Variants in STAG2 observed in about 807,000 individuals in gnomAD.
STAG2 encodes the protein STAG2 cohesin complex component.
A neutral mutation model predicts 108.1 loss-of-function variants in STAG2; 14 were observed. The observed-to-expected ratio is 0.13, with a 90% CI of 0.09 to 0.20. The LOEUF is 0.20. Ranked by LOEUF, STAG2 falls within the 10% of genes least tolerant of loss-of-function variation. The pLI is 1.00. For missense variants in STAG2, 440 were observed against 940.9 expected (o/e 0.47, Z 6.96); for synonymous variants, 307 against 302.7 (o/e 1.01, Z -0.15).
intron 1 of STAG2, among the ~76,000 whole-genome samples, chrX:123,980,136 A>C (rs1197768110): frequency 1.8e-5 from 2 of 112,108 alleles, no homozygotes; most frequent in African/African-American, 6.5e-5. Flanking sequence ...TCTTGCATCC[A>C]AATGCAAGCT....
chrX:123,978,926 A>G (rs1338191120), intron 1 of STAG2, among the ~76,000 whole-genome samples: 2 of 111,787 alleles, frequency 1.8e-5, no homozygotes, highest in East Asian at 5.6e-4. Flanking sequence ...GTGCCAGATA[A>G]TAGGCTGAGG....
chrX:124,025,825 A>C lies in STAG2; in HGVS notation c.45-15A>C, dbSNP rs781722799. 1 of 1,123,512 alleles carries C rather than the reference A, an allele frequency of 8.9e-7. No individual in the cohort carries two copies. The highest frequency in any genetic ancestry group is 1.2e-6 in the Non-Finnish European group (1 of 836,004). The allele number at this position is 1,123,512 out of a possible 1,213,427, so 92.6% of individuals were successfully genotyped here. On this transcript the variant is annotated splice_polypyrimidine_tract_variant and intron_variant, in intron 3 of 34. Coordinates refer to ENST00000371145, the MANE Select transcript of STAG2 (RefSeq NM_001042750.2). The stretch of plus-strand genomic sequence containing the variant: ...TTTCTAAGGAAGGGTTTTAATTCTT[A>C]TCTTTCTGTCACAGGGAGTCAGAAA...
At chrX:124,066,680 T>C (rs1351337256) in intron 23 of STAG2, among the ~76,000 whole-genome samples, 4 of 112,011 alleles carry the variant, frequency 3.6e-5, no homozygotes, top group African/African-American at 1.3e-4. Context: ...TTCTGTATTC[T>C]CAAAGTTGGT....
At chrX:124,060,517 A>G (rs1175318202) in intron 15 of STAG2, among the ~76,000 whole-genome samples, 1 of 112,707 alleles carries the variant, frequency 8.9e-6, no homozygotes, top group African/African-American at 3.2e-5. Context: ...TTAATTAACC[A>G]TTATCACTCC....
intron 7 of STAG2, among the ~76,000 whole-genome samples, chrX:124,042,876 G>C (rs1195522889): frequency 9.3e-6 from 1 of 107,637 alleles, no homozygotes. Flanking sequence ...TTAGCCGGGA[G>C]TCGTGGTGTG....
At chrX:124,042,539 A>G (rs2148156949) in intron 6 of STAG2, 30 bp from the exon 7 acceptor site, 1 of 1,070,897 alleles carries the variant, frequency 9.3e-7, no homozygotes, top group South Asian at 1.9e-5. Context: ...ATCACACCAT[A>G]TATTAACTTC....
intron 1 of STAG2, among the ~76,000 whole-genome samples, chrX:123,975,308 C>T (rs962925681): frequency 1.8e-5 from 2 of 111,964 alleles, no homozygotes; most frequent in African/African-American, 6.5e-5. Flanking sequence ...CTGTTTCCAC[C>T]ACTCATTCAG....
At chrX:123,969,207 T>C (rs778308060) in intron 1 of STAG2, among the ~76,000 whole-genome samples, 1 of 111,899 alleles carries the variant, frequency 8.9e-6, no homozygotes, top group Admixed American at 9.5e-5. Flanking sequence ...CATATGCTTA[T>C]TAAAGTTTGT....
intron 6 of STAG2, among the ~76,000 whole-genome samples, chrX:124,039,504 TCTCCTAAA>T (rs1183256801): frequency 9.1e-6 from 1 of 109,896 alleles, no homozygotes; most frequent in African/African-American, 3.3e-5. Context: ...TGATCCTCAA[TCTCCTAAA>T]CTCAGGCAGT....
At chrX:123,991,144 T>C (rs959921233) in intron 1 of STAG2, among the ~76,000 whole-genome samples, 2 of 111,838 alleles carry the variant, frequency 1.8e-5, no homozygotes, top group Non-Finnish European at 3.8e-5. Context: ...AACATTTTAT[T>C]ATGAAAAACT....
chrX:124,069,041 A>G (rs1297056383), intron 24 of STAG2, among the ~76,000 whole-genome samples: 5 of 111,721 alleles, frequency 4.5e-5, no homozygotes. Context: ...AGAGTATCAG[A>G]TGTTGGCATT....
intron 33 of STAG2, among the ~76,000 whole-genome samples, chrX:124,094,969 C>G (rs1390998554): frequency 9.1e-6 from 1 of 110,403 alleles, no homozygotes; most frequent in Non-Finnish European, 1.9e-5. Context: ...GCTCTGTTGC[C>G]CAGACTTCAG....
chrX:123,962,357 C>T (rs2053909833), intron 1 of STAG2, among the ~76,000 whole-genome samples: 1 of 110,931 alleles, frequency 9.0e-6, no homozygotes, highest in African/African-American at 3.3e-5. Context: ...TTCCCCCCGT[C>T]GCGAGAATGT....
Position 124,031,136 on chromosome X carries a change from T to C in STAG2, c.288+11T>C. On this transcript the variant is annotated intron_variant, in intron 5 of 34. Coordinates refer to ENST00000371145, the MANE Select transcript of STAG2 (RefSeq NM_001042750.2). ...AAGAGTGCTATGCAGGTAAGATTTATGTTGTTCTTCCCAGTTCATTTGTAC... is the reference window on the plus strand; with the variant it reads ...AAGAGTGCTATGCAGGTAAGATTTACGTTGTTCTTCCCAGTTCATTTGTAC... 1 of 1,197,347 alleles carries C rather than the reference T, an allele frequency of 8.4e-7. No individual in the cohort carries two copies. Among genetic ancestry groups the C allele is most frequent in the South Asian group, 1.9e-5 (1 of 53,693 alleles).
At chrX:124,012,180 A>G (rs1602825557) in intron 1 of STAG2, among the ~76,000 whole-genome samples, 1 of 112,174 alleles carries the variant, frequency 8.9e-6, no homozygotes, top group African/African-American at 3.2e-5. Flanking sequence ...AAATGTTTTA[A>G]ATGATGAATT....
At chrX:124,080,779 A>G (rs936083294) in intron 27 of STAG2, among the ~76,000 whole-genome samples, 2 of 111,978 alleles carry the variant, frequency 1.8e-5, no homozygotes, top group Non-Finnish European at 1.9e-5. Flanking sequence ...AAGCAGGATG[A>G]TTAGCATATC....
In STAG2 at chrX:124,030,955, A is replaced by G. The variant is rs779200624; in HGVS notation, c.124-6A>G. ...ATAACTTAACCACCTCGTATTTTTT[A>G]TGCAGACTTGTAAAAAAGGCAAAAA... On this transcript the variant is annotated splice_polypyrimidine_tract_variant and splice_region_variant and intron_variant, in intron 4 of 34. Transcript: ENST00000371145. The G allele has an allele frequency of 1.7e-6, 2 of 1,189,471 alleles. No individual in the cohort carries two copies. The highest frequency in any genetic ancestry group is 2.4e-4 in the Middle Eastern group (1 of 4,232).
chrX:124,022,649 C>T lies in STAG2; in HGVS notation c.22C>T (p.Pro8Ser). ...AGAAATGATAGCAGCTCCAGAAATA[C>T]CAACTGATTTTAATCTACTACAGTA... is the stretch of plus-strand genomic sequence containing the variant. Reference protein sequence around the residue: MIAAPEIPTDFNLLQESE... With the variant: MIAAPEISTDFNLLQESE... Residue 8 changes from proline to serine, a missense_variant, in exon 3 of 35, where the codon CCA becomes TCA. Coordinates refer to ENST00000371145, the MANE Select transcript of STAG2 (RefSeq NM_001042750.2). The T allele has an allele frequency of 8.6e-7, 1 of 1,167,762 alleles. No individual in the cohort carries two copies.
chrX:124,079,688 C>T (rs1187991276), intron 27 of STAG2, among the ~76,000 whole-genome samples: 2 of 112,118 alleles, frequency 1.8e-5, no homozygotes, highest in African/African-American at 6.5e-5. Flanking sequence ...ATAACTTTTG[C>T]TATAAAGTAA....
Sources: allele counts gnomAD v4.1 joint callset (sites outside exome capture counted in the v4.1 genomes callset), GRCh38; gene constraint gnomAD v4.1.1; transcripts MANE v1.5; gene names NCBI Gene and HGNC (gene_info 2026-07-23, HGNC 2026-07-21).